The following MACROD2 variants were observed in gnomAD, a reference collection of about 807,000 sequenced individuals.
The protein encoded by MACROD2 is ADP-ribose glycohydrolase MACROD2.
MACROD2 carries 36 observed loss-of-function variants against 70.4 expected under a neutral mutation model. The observed-to-expected ratio is 0.51, with a 90% CI of 0.39 to 0.68. The LOEUF is 0.68. MACROD2 is among the 30% of genes least tolerant of loss of function. MACROD2 has a pLI of 0.00. For missense variants in MACROD2, 496 were observed against 538.4 expected (o/e 0.92, Z 0.78); for synonymous variants, 172 against 178.8 (o/e 0.96, Z 0.30).
chr20:15,128,232 T>A (rs1305573351), intron 5 of MACROD2, among the ~76,000 whole-genome samples: 1 of 152,108 alleles, frequency 6.6e-6, no homozygotes, highest in Non-Finnish European at 1.5e-5. Flanking sequence ...TGAAGTCACA[T>A]ATATTTTTTA....
intron 8 of MACROD2, among the ~76,000 whole-genome samples, chr20:15,779,642 CTTTG>C (rs1330090980): frequency 1.3e-5 from 2 of 152,088 alleles, no homozygotes; most frequent in Non-Finnish European, 2.9e-5. Flanking sequence ...TTGTTTGTTT[CTTTG>C]TTTGTGTGTT....
chr20:15,475,930 G>T (rs1600466622), intron 7 of MACROD2, among the ~76,000 whole-genome samples: 1 of 152,202 alleles, frequency 6.6e-6, no homozygotes, highest in African/African-American at 2.4e-5. Flanking sequence ...AGAAGAAAAT[G>T]TTCTTCGTTG....
intron 2 of MACROD2, among the ~76,000 whole-genome samples, chr20:14,005,880 C>T (rs994499931): frequency 5.3e-5 from 8 of 152,112 alleles, no homozygotes; most frequent in East Asian, 1.9e-4. Context: ...GGATTACAGA[C>T]GTGAGCCACT....
intron 5 of MACROD2, among the ~76,000 whole-genome samples, chr20:14,688,422 G>T (rs2071026880): frequency 6.6e-6 from 1 of 152,124 alleles, no homozygotes; most frequent in African/African-American, 2.4e-5. Context: ...ATCATAATTA[G>T]TAGAATGATA....
At chr20:16,013,622 G>T (rs1446953945) in intron 15 of MACROD2, among the ~76,000 whole-genome samples, 1 of 152,170 alleles carries the variant, frequency 6.6e-6, no homozygotes, top group African/African-American at 2.4e-5. Context: ...ACAGTGCTCT[G>T]ACTCTCCATG....
At chr20:15,562,036 A>G (rs912008937) in intron 8 of MACROD2, among the ~76,000 whole-genome samples, 3 of 152,184 alleles carry the variant, frequency 2.0e-5, no homozygotes, top group Non-Finnish European at 2.9e-5. Context: ...TACCATTGGA[A>G]ACAATATGAT....
chr20:14,515,463 A>ACACACACACGCGCGTG (rs34190778), intron 4 of MACROD2, among the ~76,000 whole-genome samples: 6 of 138,822 alleles, frequency 4.3e-5, no homozygotes, highest in African/African-American at 1.7e-4. Context: ...ATACACACAC[A>ACACACACACGCGCGTG]CGCACACACA....
chr20:15,166,641 T>G (rs1370470527), intron 5 of MACROD2, among the ~76,000 whole-genome samples: 1 of 152,072 alleles, frequency 6.6e-6, no homozygotes, highest in Non-Finnish European at 1.5e-5. Flanking sequence ...CAACAATCTA[T>G]GCATTTTTTT....
intron 8 of MACROD2, among the ~76,000 whole-genome samples, chr20:15,794,859 T>G (rs1031587616): frequency 7.9e-5 from 12 of 152,192 alleles, no homozygotes; most frequent in Non-Finnish European, 1.5e-4. Context: ...CACTAACGCC[T>G]GATTAGCTAT....
At chr20:15,134,410 AACTC>A (rs1236230050) in intron 5 of MACROD2, among the ~76,000 whole-genome samples, 6 of 151,840 alleles carry the variant, frequency 4.0e-5, no homozygotes, top group African/African-American at 1.4e-4. Flanking sequence ...AGGATTAAGA[AACTC>A]ACTCAAAGCC....
At chr20:14,596,353 G>T (rs1237842073) in intron 4 of MACROD2, among the ~76,000 whole-genome samples, 1 of 150,792 alleles carries the variant, frequency 6.6e-6, no homozygotes, top group Admixed American at 6.6e-5. Flanking sequence ...GCCTCCCAAA[G>T]TGCTGGGATT....
intron 4 of MACROD2, among the ~76,000 whole-genome samples, chr20:14,659,305 T>C (rs534363475): frequency 4.6e-5 from 7 of 152,328 alleles, no homozygotes; most frequent in African/African-American, 1.4e-4. Flanking sequence ...GAAAAAATAA[T>C]GAATGTTTTT....
intron 8 of MACROD2, among the ~76,000 whole-genome samples, chr20:15,634,420 G>C (rs942287961): frequency 6.6e-6 from 1 of 152,140 alleles, no homozygotes; most frequent in Non-Finnish European, 1.5e-5. Flanking sequence ...CCATGTGTTT[G>C]TTTCAATTCT....
intron 5 of MACROD2, among the ~76,000 whole-genome samples, chr20:14,720,537 T>C (rs200391108): frequency 4.2e-3 from 84 of 20,238 alleles, no homozygotes; most frequent in South Asian, 0.031. Flanking sequence ...GCCCCACAAC[T>C]TTTTTTTTTT....
At chr20:15,627,909 G>C (rs530499048) in intron 8 of MACROD2, among the ~76,000 whole-genome samples, 3 of 152,266 alleles carry the variant, frequency 2.0e-5, no homozygotes, top group Admixed American at 1.3e-4. Flanking sequence ...AAGGCAAGAT[G>C]GGGGGTTAAA....
At chr20:15,117,360 T>A (rs975441003) in intron 5 of MACROD2, among the ~76,000 whole-genome samples, 2 of 152,304 alleles carry the variant, frequency 1.3e-5, no homozygotes, top group South Asian at 4.1e-4. Flanking sequence ...TTGGGATTTC[T>A]AGAAGAAATG....
chr20:15,794,678 G>A (rs1476674468), intron 8 of MACROD2, among the ~76,000 whole-genome samples: 7 of 152,166 alleles, frequency 4.6e-5, no homozygotes, highest in East Asian at 3.8e-4. Flanking sequence ...GTTAATACTC[G>A]GAATCACGGT....
chr20:15,208,681 A>G lies in MACROD2; in HGVS notation c.419-21259A>G, dbSNP rs2145942685. 2.0e-5 allele frequency among the ~76,000 whole-genome samples: 3 copies of G among 152,152 alleles called. No individual in the cohort carries two copies. In the South Asian group the frequency reaches 6.2e-4, roughly 32 times the overall value. On this transcript the variant is annotated intron_variant, in intron 5 of 17. Transcript: ENST00000684519. ...AGGCAGGGGTGTTTTCTTTCTGCTG[A>G]GAAGAGTTGGGATTTCAGACCCTGC... is the stretch of plus-strand genomic sequence containing the variant.
At chr20:15,634,500 C>T (rs1037895960) in intron 8 of MACROD2, among the ~76,000 whole-genome samples, 9 of 152,192 alleles carry the variant, frequency 5.9e-5, no homozygotes, top group African/African-American at 1.2e-4. Flanking sequence ...GAAAAGGTCA[C>T]GCATCTGATC....
Sources: gnomAD v4.1 joint callset for allele counts (sites outside exome capture counted in the v4.1 genomes callset) on GRCh38, gnomAD v4.1.1 for gene constraint, MANE v1.5 for transcripts, NCBI Gene and HGNC (gene_info 2026-07-23, HGNC 2026-07-21) for gene names.